The following PHF24 variants were observed in gnomAD, a reference collection of about 807,000 sequenced individuals.
The protein encoded by PHF24 is Galpha inhibitory interacting protein.
PHF24 carries 25 observed loss-of-function variants against 42.6 expected under a neutral mutation model. The observed-to-expected ratio is 0.59, with a 90% CI of 0.43 to 0.82. The LOEUF is 0.82. Among genes scored for constraint, PHF24 ranks in the 40% least tolerant of loss-of-function variants. The pLI, the probability that PHF24 is intolerant of heterozygous loss-of-function variation, is 0.00. For synonymous variants in PHF24, 185 were observed against 204.8 expected (o/e 0.90, Z 0.83); for missense variants, 470 against 538.1 (o/e 0.87, Z 1.25).
intron 3 of PHF24, among the ~76,000 whole-genome samples, chr9:34,974,079 C>T (rs1176648081): frequency 6.6e-6 from 1 of 152,180 alleles, no homozygotes; most frequent in Non-Finnish European, 1.5e-5. Flanking sequence ...GATCGTAGCA[C>T]TGCAGCCTTG....
the PHF24 span, among the ~76,000 whole-genome samples, chr9:34,894,722 G>A: frequency 1.1e-4 from 17 of 152,306 alleles, no homozygotes; most frequent in South Asian, 3.3e-3. Flanking sequence ...ATCATCACAT[G>A]CCCATTTTAT....
chr9:34,726,771 A>T, the PHF24 span: 1 of 1,551,702 alleles, frequency 6.4e-7, no homozygotes, highest in Admixed American at 2.0e-5. Flanking sequence ...GTGTGCCAGG[A>T]ATGAAACTCC....
At chr9:34,880,792 G>C in the PHF24 span, among the ~76,000 whole-genome samples, 1 of 152,166 alleles carries the variant, frequency 6.6e-6, no homozygotes, top group South Asian at 2.1e-4. Flanking sequence ...ACATTAGACA[G>C]ATCAACGAGA....
chr9:34,868,886 A>G, the PHF24 span, among the ~76,000 whole-genome samples: 1 of 152,070 alleles, frequency 6.6e-6, no homozygotes, highest in African/African-American at 2.4e-5. Flanking sequence ...TCCATTAGCT[A>G]TTCTTCCTGA....
the PHF24 span, among the ~76,000 whole-genome samples, chr9:34,667,276 A>G: frequency 6.6e-6 from 1 of 152,104 alleles, no homozygotes; most frequent in South Asian, 2.1e-4. Context: ...CCTCTGGTTG[A>G]AATGTGAGGA....
the PHF24 span, among the ~76,000 whole-genome samples, chr9:34,801,577 AC>A: frequency 6.6e-6 from 1 of 152,048 alleles, no homozygotes; most frequent in African/African-American, 2.4e-5. Context: ...AATACAAAAA[AC>A]TAGCCAGGCT....
the PHF24 span, among the ~76,000 whole-genome samples, chr9:34,675,612 A>G: frequency 6.6e-6 from 1 of 152,282 alleles, no homozygotes; most frequent in South Asian, 2.1e-4. Flanking sequence ...AGTCTTGAGC[A>G]ATAGCATACA....
the PHF24 span, among the ~76,000 whole-genome samples, chr9:34,913,922 T>G: frequency 6.6e-6 from 1 of 152,180 alleles, no homozygotes; most frequent in Non-Finnish European, 1.5e-5. Context: ...TAAAAGTTTG[T>G]GAGGAGCAGA....
chr9:34,689,896 G>A, the PHF24 span: 1 of 1,614,084 alleles, frequency 6.2e-7, no homozygotes, highest in Non-Finnish European at 8.5e-7. The surrounding 1 kb of genome is among the most constrained non-coding windows in gnomAD (Gnocchi z 4.1). Context: ...GGAGCTCAGA[G>A]GGAGGAGACA....
intron 1 of PHF24, 109 bp from the exon 2 acceptor site, chr9:34,971,186 T>C: frequency 6.5e-6 from 8 of 1,238,606 alleles, no homozygotes; most frequent in Non-Finnish European, 9.0e-6. Flanking sequence ...CACCATGTTC[T>C]AGAAGAGGGA....
chr9:34,980,710 C>G (rs1207630473), exon 8 of PHF24: 2 of 152,284 alleles, frequency 1.3e-5, no homozygotes, highest in East Asian at 3.8e-4. Flanking sequence ...CCTCCCATCA[C>G]TGTGACTCTG....
At chr9:34,937,045 G>A in the PHF24 span, among the ~76,000 whole-genome samples, 7 of 134,030 alleles carry the variant, frequency 5.2e-5, no homozygotes, top group South Asian at 2.4e-4. Context: ...CCCCCCCCCC[G>A]GGCCAGCCGC....
the PHF24 span, among the ~76,000 whole-genome samples, chr9:34,676,678 G>A: frequency 7.0e-4 from 106 of 152,208 alleles, no homozygotes; most frequent in Non-Finnish European, 1.1e-3. Context: ...AAGAAAAAAG[G>A]TTTAGTTGGC....
At chr9:34,670,402 G>A in the PHF24 span, among the ~76,000 whole-genome samples, 1 of 152,142 alleles carries the variant, frequency 6.6e-6, no homozygotes, top group Non-Finnish European at 1.5e-5. Context: ...TGTGGAATCT[G>A]GTGCTAACTC....
At chr9:34,872,641 A>G in the PHF24 span, among the ~76,000 whole-genome samples, 42 of 138,234 alleles carry the variant, frequency 3.0e-4, 1 homozygote, top group East Asian at 9.2e-3. Context: ...AGTCTTTGCT[A>G]TCGTGAATAA....
At chr9:34,764,266 A>C in the PHF24 span, among the ~76,000 whole-genome samples, 4 of 152,274 alleles carry the variant, frequency 2.6e-5, no homozygotes, top group African/African-American at 9.6e-5. Flanking sequence ...TAGTTTCAGA[A>C]GGAATGGTAC....
chr9:34,792,572 G>A, the PHF24 span, among the ~76,000 whole-genome samples: 57 of 152,230 alleles, frequency 3.7e-4, no homozygotes, highest in East Asian at 0.01. Context: ...CAGGAAGGCT[G>A]AGGCAGGAGA....
chr9:34,939,050 G>A, the PHF24 span, among the ~76,000 whole-genome samples: 1 of 152,050 alleles, frequency 6.6e-6, no homozygotes, highest in African/African-American at 2.4e-5. Context: ...GGAGGCCAAG[G>A]CAGGTGGATC....
the PHF24 span, among the ~76,000 whole-genome samples, chr9:34,875,390 G>A: frequency 6.6e-6 from 1 of 152,042 alleles, no homozygotes; most frequent in Non-Finnish European, 1.5e-5. Context: ...CAAACTGCAG[G>A]TCCAGGCCTA....
Sources: gnomAD v4.1 joint callset for allele counts (sites outside exome capture counted in the v4.1 genomes callset) on GRCh38, gnomAD v4.1.1 for gene constraint, Gnocchi (gnomAD v3.1) non-coding constraint, MANE v1.5 for transcripts, NCBI Gene and HGNC (gene_info 2026-07-23, HGNC 2026-07-21) for gene names.